The following DLG2 variants were observed in gnomAD, a reference collection of about 807,000 sequenced individuals.
DLG2 encodes discs large MAGUK scaffold protein 2.
In DLG2, 45 loss-of-function variants were observed where a neutral mutation model predicts 132.5. That is an observed-to-expected ratio of 0.34 (90% CI 0.27 to 0.44). DLG2 has a LOEUF of 0.44. Ranked by LOEUF, DLG2 falls within the 20% of genes least tolerant of loss-of-function variation. The pLI is 1.00. For synonymous variants in DLG2, 424 were observed against 419.6 expected, an observed-to-expected ratio of 1.01 and a Z score of -0.13; for missense variants, 1,045 against 1,196.9, an observed-to-expected ratio of 0.87 and a Z score of 1.87.
chr11:83,623,618 C>A (rs1280321798), intron 19 of DLG2, among the ~76,000 whole-genome samples: 1 of 152,200 alleles, frequency 6.6e-6, no homozygotes, highest in Non-Finnish European at 1.5e-5. Context: ...TTGACTCCAG[C>A]AATCATTGGT....
rs114301914 is a variant in DLG2 at position 84,055,888 on chromosome 11, T to C, written c.919+3427A>G. On this transcript the variant is annotated intron_variant, in intron 11 of 27. Coordinates refer to ENST00000376104, the MANE Select transcript of DLG2 (RefSeq NM_001142699.3). ...ATTGTCTGGATCTGTGCCAGGTACA[T>C]ACTAAACAATACGTATTTGTTGAAT... Among the ~76,000 whole-genome samples the C allele has an allele frequency of 9.1e-3, 1,380 of 152,222 alleles. 23 individuals carry two copies. Among genetic ancestry groups the C allele is most frequent in the African/African-American group, 0.031 (1,301 of 41,546 alleles).
chr11:84,797,722 G>T (rs916859627), intron 6 of DLG2, among the ~76,000 whole-genome samples: 1 of 152,152 alleles, frequency 6.6e-6, no homozygotes, highest in Admixed American at 6.5e-5. Flanking sequence ...TTTAGTCACT[G>T]GTGTTTTGTT....
At chr11:85,364,385 A>C (rs1272625287) in intron 3 of DLG2, among the ~76,000 whole-genome samples, 1 of 152,212 alleles carries the variant, frequency 6.6e-6, no homozygotes, top group Non-Finnish European at 1.5e-5. Flanking sequence ...CTTCCCACTA[A>C]GAAGCAGCCC....
At chr11:83,699,545 G>GA (rs1202881153) in intron 18 of DLG2, among the ~76,000 whole-genome samples, 3,914 of 121,824 alleles carry the variant, frequency 0.032, 76 homozygotes, top group Middle Eastern at 0.067. Flanking sequence ...AAATACAAAA[G>GA]AAAAAAAAAA....
At chr11:85,039,781 T>C (rs1042819256) in intron 6 of DLG2, among the ~76,000 whole-genome samples, 5 of 151,976 alleles carry the variant, frequency 3.3e-5, no homozygotes, top group Non-Finnish European at 5.9e-5. Context: ...AGCCCCTTGA[T>C]GGTATATATC....
chr11:83,994,999 A>C (rs1216795470), intron 11 of DLG2, among the ~76,000 whole-genome samples: 1 of 147,238 alleles, frequency 6.8e-6, no homozygotes, highest in African/African-American at 2.5e-5. Context: ...TTTTTTTGTA[A>C]AGACACTTGC....
intron 9 of DLG2, among the ~76,000 whole-genome samples, chr11:84,110,610 G>C (rs1258017677): frequency 1.3e-5 from 2 of 152,136 alleles, no homozygotes; most frequent in Non-Finnish European, 2.9e-5. Context: ...AGAACAGAAA[G>C]AAGGAAGATA....
chr11:85,614,415 G>A (rs957745068), intron 2 of DLG2, among the ~76,000 whole-genome samples: 18 of 151,986 alleles, frequency 1.2e-4, no homozygotes, highest in Non-Finnish European at 1.2e-4. Flanking sequence ...GCTGAGGCAG[G>A]TGGATACCTG....
chr11:85,400,475 A>G (rs563711636), intron 3 of DLG2, among the ~76,000 whole-genome samples: 168 of 149,430 alleles, frequency 1.1e-3, no homozygotes, highest in African/African-American at 4.0e-3. Flanking sequence ...ATAAAGACAC[A>G]TGCACACGTA....
chr11:84,274,765 C>T (rs1292791353), intron 7 of DLG2, among the ~76,000 whole-genome samples: 1 of 152,156 alleles, frequency 6.6e-6, no homozygotes, highest in Non-Finnish European at 1.5e-5. Flanking sequence ...TTCCTTAGTA[C>T]TTCACGAGCA....
chr11:83,909,882 A>G (rs187843594), intron 15 of DLG2, among the ~76,000 whole-genome samples: 10 of 152,264 alleles, frequency 6.6e-5, no homozygotes, highest in Non-Finnish European at 2.9e-5. Context: ...AAAGCTTGGG[A>G]AGACTCTTCC....
At chr11:85,289,289 A>G (rs1446712322) in intron 3 of DLG2, among the ~76,000 whole-genome samples, 1 of 152,058 alleles carries the variant, frequency 6.6e-6, no homozygotes, top group Non-Finnish European at 1.5e-5. Context: ...CCTCACCACC[A>G]GCACCATCAT....
intron 11 of DLG2, among the ~76,000 whole-genome samples, chr11:84,027,255 A>G (rs1310646916): frequency 6.6e-6 from 1 of 152,140 alleles, no homozygotes; most frequent in Admixed American, 6.6e-5. Flanking sequence ...TTAAGATTTT[A>G]TTAGAAAAAT....
At chr11:85,393,730 T>C (rs2087019349) in intron 3 of DLG2, among the ~76,000 whole-genome samples, 1 of 152,012 alleles carries the variant, frequency 6.6e-6, no homozygotes, top group Non-Finnish European at 1.5e-5. Context: ...ATTATATGTA[T>C]ATAATATGTA....
chr11:83,905,328 T>C (rs187085277), intron 15 of DLG2, among the ~76,000 whole-genome samples: 1 of 152,280 alleles, frequency 6.6e-6, no homozygotes, highest in African/African-American at 2.4e-5. Flanking sequence ...TTTGATCTGA[T>C]TCTTACCCAT....
chr11:85,299,198 T>C (rs2079433803), intron 3 of DLG2, among the ~76,000 whole-genome samples: 1 of 152,280 alleles, frequency 6.6e-6, no homozygotes, highest in South Asian at 2.1e-4. Context: ...TTTATCCCTT[T>C]ACGAAGGAAG....
At chr11:84,782,823 G>T (rs1427294846) in intron 6 of DLG2, among the ~76,000 whole-genome samples, 3 of 151,966 alleles carry the variant, frequency 2.0e-5, no homozygotes, top group Admixed American at 6.6e-5. Flanking sequence ...TAGTTATTTT[G>T]GATCTGTCAT....
intron 8 of DLG2, among the ~76,000 whole-genome samples, chr11:84,241,626 ACACT>A (rs1208344687): frequency 1.3e-5 from 2 of 152,188 alleles, no homozygotes; most frequent in Non-Finnish European, 2.9e-5. Flanking sequence ...CCAGGATTAA[ACACT>A]CATTCAGATT....
chr11:83,970,324 G>T (rs575528474), intron 12 of DLG2, among the ~76,000 whole-genome samples: 2 of 152,278 alleles, frequency 1.3e-5, no homozygotes, highest in Non-Finnish European at 2.9e-5. Flanking sequence ...TGCTAACAGA[G>T]TCTTCAGACC....
Sources: allele counts gnomAD v4.1 joint callset (sites outside exome capture counted in the v4.1 genomes callset), GRCh38; gene constraint gnomAD v4.1.1; transcripts MANE v1.5; gene names NCBI Gene and HGNC (gene_info 2026-07-23, HGNC 2026-07-21).